Variants in C19orf12 observed in about 807,000 individuals in gnomAD.
C19orf12 encodes the protein chromosome 19 open reading frame 12.
C19orf12 carries 2 observed loss-of-function variants against 3.8 expected under a neutral mutation model. The ratio of observed to expected loss-of-function variants is 0.53; its 90% confidence interval spans 0.22 to 1.66. The LOEUF (loss-of-function observed/expected upper bound fraction) is 1.66. Among genes scored for constraint, C19orf12 ranks in the 40% most tolerant of loss-of-function variants. The pLI, the probability that C19orf12 is intolerant of heterozygous loss-of-function variation, is 0.20. For missense variants in C19orf12, 156 were observed against 188.8 expected, an observed-to-expected ratio of 0.83 and a Z score of 1.02; for synonymous variants, 89 against 84.6, an observed-to-expected ratio of 1.05 and a Z score of -0.28.
Position 29,701,449 on chromosome 19 carries a change from T to A in C19orf12, c.*1263A>T, listed in dbSNP as rs1476109160. The A allele has an allele frequency of 1.1e-5, 5 of 454,046 alleles. No individual in the cohort carries two copies. The highest frequency in any genetic ancestry group is 4.4e-6 in the Non-Finnish European group (1 of 226,808). The allele number at this position is 454,046 out of a possible 1,614,324, so 28.1% of individuals were successfully genotyped here. ...GCTATGTAAATATGCTACACCATAT[T>A]GTTTAGGGAATAATGGCAAGAAAAA... On this transcript the variant is annotated 3_prime_UTR_variant, in exon 3 of 3. Coordinates refer to ENST00000323670, the MANE Select transcript of C19orf12 (RefSeq NM_031448.6).
At chr19:29,705,145 C>A in intron 2 of C19orf12, 1 of 207,324 alleles carries the variant, frequency 4.8e-6, no homozygotes, top group Non-Finnish European at 1.0e-5. Flanking sequence ...ATCACACACC[C>A]CCAGAATTAA....
At position 29,708,427 on chromosome 19, in the gene C19orf12, C is replaced by T. The variant is rs1972496053; in HGVS notation, c.-10-4G>A. The stretch of plus-strand genomic sequence containing the variant: ...CATGATAGTCATCGTGGCGGGCCTT[C>T]GAGGGAGAAGTTCAGAGGGACAGTT... On this transcript the variant is annotated splice_polypyrimidine_tract_variant and splice_region_variant and intron_variant, in intron 1 of 2. Transcript: ENST00000323670. 3 of 1,613,156 alleles carry T rather than the reference C, an allele frequency of 1.9e-6. No individual in the cohort carries two copies. Among genetic ancestry groups the T allele is most frequent in the East Asian group, 2.2e-5 (1 of 44,886 alleles).
At position 29,704,963 on chromosome 19, in the gene C19orf12, C is replaced by T. The variant is rs112120438; in HGVS notation, c.161-1986G>A. On this transcript the variant is annotated intron_variant, in intron 2 of 2. Transcript: ENST00000323670. Reference sequence around the variant, plus strand: ...AGATTTGTAGCTTTAAAACATCTCACGATTTTTAAATATCACCAATCAGAT... The same window carrying T: ...AGATTTGTAGCTTTAAAACATCTCATGATTTTTAAATATCACCAATCAGAT... Among the ~76,000 whole-genome samples the T allele has an allele frequency of 9.7e-3, 1,473 of 152,246 alleles. 24 individuals are homozygous for T. Among genetic ancestry groups the T allele is most frequent in the African/African-American group, 0.034 (1,408 of 41,540 alleles).
rs886054312 is a variant in C19orf12 at position 29,699,220 on chromosome 19, C to A, written c.*3492G>T. ...CAGTGGCTCACGCCTGTAATCCCAG[C>A]ACTTTGGGAGGCTGAGGTGGGCAGA... On this transcript the variant is annotated 3_prime_UTR_variant, in exon 3 of 3. Transcript: ENST00000323670. The A allele has an allele frequency of 6.6e-6, 3 of 453,484 alleles. No homozygotes were observed. The highest frequency in any genetic ancestry group is 1.3e-5 in the Non-Finnish European group (3 of 226,608). The allele number at this position is 453,484 out of a possible 1,614,324, so 28.1% of individuals were successfully genotyped here. A position where few individuals can be genotyped will look rare whatever the true frequency, so the allele number is the denominator to read the frequency against.
chr19:29,705,402 C>CAAAAA (rs34101444), intron 2 of C19orf12: 36 of 111,028 alleles, frequency 3.2e-4, no homozygotes, highest in East Asian at 5.0e-4. Context: ...ATCCTGAAAC[C>CAAAAA]AAAAAAAAAA....
Position 29,699,759 on chromosome 19 carries a change from G to A in C19orf12, c.*2953C>T, listed in dbSNP as rs992503322. On this transcript the variant is annotated 3_prime_UTR_variant, in exon 3 of 3. Transcript: ENST00000323670. The stretch of plus-strand genomic sequence containing the variant: ...GCCTCTGGGGTCGGCATAGGAGCAG[G>A]CCTTCCCTTGCAGCTTGCGCCCTCC... The A allele has an allele frequency of 3.1e-5, 14 of 453,872 alleles. No individual in the cohort carries two copies. The highest frequency in any genetic ancestry group is 9.4e-5 in the Admixed American group (4 of 42,534). 28.1% of individuals were successfully genotyped at this position (453,872 alleles called of 1,614,324 possible). A position where few individuals can be genotyped will look rare whatever the true frequency, so the allele number is the denominator to read the frequency against.
chr19:29,702,795 C>T lies in C19orf12; in HGVS notation c.343G>A (p.Glu115Lys), dbSNP rs139422624. The stretch of plus-strand genomic sequence containing the variant: ...GCCAGCAGCTGCTGCTGCAGGGCCT[C>T]GCTGCCCATGACCAGCGCGGTCAGC... ...VQLTALVMGS[E>K]ALQQQLLAML... is the part of the protein sequence containing the mutation. The change falls in exon 3 of 3, where the codon GAG becomes AAG. Residue 115 changes from glutamate (E) to lysine (K), a missense_variant. Coordinates refer to ENST00000323670, the MANE Select transcript of C19orf12 (RefSeq NM_031448.6). 1.1e-4 allele frequency: 175 copies of T among 1,613,870 alleles called. 1 individual carries two copies. The African/African-American group carries it at 1.9e-3, about 17-fold the overall frequency.
At chr19:29,713,853 T>TA (rs1356962164) in intron 1 of C19orf12, among the ~76,000 whole-genome samples, 1 of 147,554 alleles carries the variant, frequency 6.8e-6, no homozygotes, top group Non-Finnish European at 1.5e-5. Context: ...CTGCCCTCCC[T>TA]ACCCCAGCTC....
At chr19:29,714,816 C>T in intron 1 of C19orf12, 1 of 389,044 alleles carries the variant, frequency 2.6e-6, no homozygotes, top group Non-Finnish European at 4.6e-6. Flanking sequence ...ACCACCCGCA[C>T]CCCACCCCCA....
At chr19:29,710,219 G>A (rs1363671958) in intron 1 of C19orf12, among the ~76,000 whole-genome samples, 1 of 152,112 alleles carries the variant, frequency 6.6e-6, no homozygotes, top group Non-Finnish European at 1.5e-5. Flanking sequence ...AGTCCCTACT[G>A]TAAAATTGCT....
chr19:29,713,959 C>CT (rs1972817562), intron 1 of C19orf12, among the ~76,000 whole-genome samples: 2 of 148,194 alleles, frequency 1.3e-5, no homozygotes, highest in East Asian at 4.0e-4. Context: ...TCTTTCTTTC[C>CT]TTCCTTCCTT....
At chr19:29,715,436 G>T (rs1362859994), upstream of C19orf12, 1 of 406,728 alleles carries the variant, frequency 2.5e-6, no homozygotes, top group Admixed American at 2.6e-5. Flanking sequence ...CCTGGCTTGG[G>T]TTGCGGGTGG....
In C19orf12 at chr19:29,699,505, G is replaced by GA. The variant is rs1462487758; in HGVS notation, c.*3206dup. ...CTCAAAAAAAAAAAAAAGAAAAAAA[G>GA]AAAAAAATATATGTGTACCTACATA... is the stretch of plus-strand genomic sequence containing the variant. On this transcript the variant is annotated 3_prime_UTR_variant, in exon 3 of 3. Transcript: ENST00000323670. 2.4e-6 allele frequency: 1 copy of GA among 416,970 alleles called. No homozygotes were observed. Among genetic ancestry groups the GA allele is most frequent in the Non-Finnish European group, 4.6e-6 (1 of 216,796 alleles). 25.8% of individuals were successfully genotyped at this position (416,970 alleles called of 1,614,324 possible).
At chr19:29,706,428 GA>G (rs1972381757) in intron 2 of C19orf12, among the ~76,000 whole-genome samples, 1 of 152,226 alleles carries the variant, frequency 6.6e-6, no homozygotes, top group East Asian at 1.9e-4. Context: ...CCAGGGACTG[GA>G]AGTAGTGAAT....
intron 1 of C19orf12, among the ~76,000 whole-genome samples, chr19:29,713,209 G>A (rs1972774455): frequency 4.6e-5 from 7 of 152,106 alleles, no homozygotes; most frequent in Admixed American, 4.6e-4. Context: ...GGAAGTGGGT[G>A]AGGAGGGAGG....
Position 29,702,506 on chromosome 19 carries a change from T to C in C19orf12, c.*206A>G, listed in dbSNP as rs1972144767. 5.2e-6 allele frequency: 4 copies of C among 764,440 alleles called. No individual in the cohort carries two copies. The highest frequency in any genetic ancestry group is 9.0e-6 in the Non-Finnish European group (4 of 443,950). 47.4% of individuals were successfully genotyped at this position (764,440 alleles called of 1,614,324 possible). On this transcript the variant is annotated 3_prime_UTR_variant, in exon 3 of 3. Coordinates refer to ENST00000323670, the MANE Select transcript of C19orf12 (RefSeq NM_031448.6). The stretch of plus-strand genomic sequence containing the variant: ...GGCTGTCATGGCAGGCCAGTGCACA[T>C]GCCACCAACACATGCTGCTTCATCA...
Position 29,701,600 on chromosome 19 carries a change from G to A in C19orf12, c.*1112C>T. 1 of 454,030 alleles carries A rather than the reference G, an allele frequency of 2.2e-6. No homozygotes were observed. Among genetic ancestry groups the A allele is most frequent in the South Asian group, 1.6e-5 (1 of 64,468 alleles). The allele number at this position is 454,030 out of a possible 1,614,324, so 28.1% of individuals were successfully genotyped here. A position where few individuals can be genotyped will look rare whatever the true frequency, so the allele number is the denominator to read the frequency against. ...TGACTGTACTGGGGAAATCTTTAGGGTAGAAACATTTCTTAGAGATGGTTT... is the reference window on the plus strand; with the variant it reads ...TGACTGTACTGGGGAAATCTTTAGGATAGAAACATTTCTTAGAGATGGTTT... On this transcript the variant is annotated 3_prime_UTR_variant, in exon 3 of 3. Coordinates refer to ENST00000323670, the MANE Select transcript of C19orf12 (RefSeq NM_031448.6).
rs763893129 is a variant in C19orf12 at position 29,702,627 on chromosome 19, C to T, written c.*85G>A. ...ATGTGGAGATTCCCCAGGGGGCATC[C>T]GCTGGGCTTCTCCCAACTCCCAAGC... On this transcript the variant is annotated 3_prime_UTR_variant, in exon 3 of 3. Transcript: ENST00000323670. 34 of 1,575,058 alleles carry T rather than the reference C, an allele frequency of 2.2e-5. No homozygotes were observed. The highest frequency in any genetic ancestry group is 1.3e-5 in the Non-Finnish European group (15 of 1,147,824).
In C19orf12 at chr19:29,711,108, C is replaced by T. The variant is rs142582067; in HGVS notation, c.-10-2685G>A. ...AGGCTGGAGTGTAGCGGCGCGATCT[C>T]GGCTCACTGCAGCCTCCGCCTCCCA... On this transcript the variant is annotated intron_variant, in intron 1 of 2. Coordinates refer to ENST00000323670, the MANE Select transcript of C19orf12 (RefSeq NM_031448.6). 1.4e-3 allele frequency among the ~76,000 whole-genome samples: 193 copies of T among 133,426 alleles called. 1 individual carries two copies. The highest frequency in any genetic ancestry group is 7.1e-3 in the East Asian group (29 of 4,084). 87.5% of individuals were successfully genotyped at this position (133,426 alleles called of 152,430 possible).
Sources: allele counts gnomAD v4.1 joint callset (sites outside exome capture counted in the v4.1 genomes callset), GRCh38; gene constraint gnomAD v4.1.1; transcripts MANE v1.5; gene names NCBI Gene and HGNC (gene_info 2026-07-23, HGNC 2026-07-21).